Variants in DNAH11 observed in about 807,000 individuals in gnomAD.
DNAH11 encodes dynein axonemal heavy chain 11, also known as axonemal beta dynein heavy chain 11.
A neutral mutation model predicts 526.0 loss-of-function variants in DNAH11; 442 were observed. The observed-to-expected ratio is 0.84, with a 90% CI of 0.78 to 0.91. DNAH11 has a LOEUF of 0.91. DNAH11 is among the 40% of genes least tolerant of loss of function. The pLI is 0.00. For synonymous variants in DNAH11, 2,461 were observed against 1,935.9 expected (o/e 1.27, Z -7.12); for missense variants, 6,989 against 5,448.7 (o/e 1.28, Z -8.90).
intron 28 of DNAH11, among the ~76,000 whole-genome samples, chr7:21,653,602 C>T (rs1781884280): frequency 6.6e-6 from 1 of 152,170 alleles, no homozygotes; most frequent in African/African-American, 2.4e-5. Context: ...TGTGTACTTC[C>T]TGGCCACTTC....
intron 66 of DNAH11, among the ~76,000 whole-genome samples, chr7:21,843,020 G>T (rs1425665639): frequency 6.6e-6 from 1 of 152,176 alleles, no homozygotes; most frequent in Admixed American, 6.5e-5. Flanking sequence ...TAAAATAGAG[G>T]TATGTGCCCA....
chr7:21,667,834 A>G (rs1417901685), intron 30 of DNAH11, among the ~76,000 whole-genome samples: 1 of 152,152 alleles, frequency 6.6e-6, no homozygotes, highest in East Asian at 1.9e-4. Flanking sequence ...ATGTTTCTCT[A>G]TGAATACTTT....
intron 31 of DNAH11, among the ~76,000 whole-genome samples, chr7:21,683,251 T>A (rs1306441203): frequency 1.3e-5 from 2 of 152,194 alleles, no homozygotes; most frequent in African/African-American, 4.8e-5. Context: ...CAGGGATTTT[T>A]AACTGGAAGA....
intron 39 of DNAH11, among the ~76,000 whole-genome samples, chr7:21,705,882 G>T (rs1784243904): frequency 6.6e-6 from 1 of 152,098 alleles, no homozygotes; most frequent in African/African-American, 2.4e-5. Flanking sequence ...TTTATGCTTG[G>T]ATTCTTTTAT....
chr7:21,582,886 C>T (rs547698671), intron 9 of DNAH11, among the ~76,000 whole-genome samples: 7 of 152,200 alleles, frequency 4.6e-5, no homozygotes, highest in Middle Eastern at 6.8e-3. Flanking sequence ...TTTTGACCTT[C>T]GAATGAATTG....
At position 21,818,227 on chromosome 7, in the gene DNAH11, G is replaced by A. The variant is rs750757854; in HGVS notation, c.10579G>A (p.Ala3527Thr). The A allele has an allele frequency of 6.2e-7, 1 of 1,610,236 alleles. No individual in the cohort carries two copies. Among genetic ancestry groups the A allele is most frequent in the South Asian group, 1.1e-5 (1 of 90,014 alleles). Residue 3527 changes from alanine (A) to threonine (T), a missense_variant, in exon 65 of 82, where the codon GCC (alanine) becomes ACC (threonine). Transcript: ENST00000409508. The part of the protein sequence containing the change: ...THLGQKGFLN[A>T]IETALAFGDV... ...CCACTGAATTTTAAGGTTTTTGAAT[G>A]CCATTGAAACTGCTTTGGCCTTTGG...
At chr7:21,862,591 A>G (rs35726906) in intron 69 of DNAH11, among the ~76,000 whole-genome samples, 17,223 of 152,234 alleles carry the variant, frequency 0.11, 1,100 homozygotes, top group East Asian at 0.24. Context: ...CCATTCTACA[A>G]TATAAACATG....
intron 30 of DNAH11, among the ~76,000 whole-genome samples, chr7:21,667,406 G>A (rs779220240): frequency 7.2e-5 from 11 of 152,250 alleles, no homozygotes; most frequent in Non-Finnish European, 1.6e-4. Flanking sequence ...TGTAGTGGTT[G>A]CAAAGAAGCA....
chr7:21,787,314 G>A, intron 59 of DNAH11, 87 bp from the exon 60 acceptor site: 1 of 1,367,986 alleles, frequency 7.3e-7, no homozygotes, highest in Non-Finnish European at 9.9e-7. Flanking sequence ...TGTAATGTGA[G>A]TCCTAAAAGC....
intron 30 of DNAH11, among the ~76,000 whole-genome samples, chr7:21,666,696 A>G (rs1435402743): frequency 6.6e-6 from 1 of 151,884 alleles, no homozygotes; most frequent in Non-Finnish European, 1.5e-5. Context: ...TTTCAGCCCT[A>G]TTACCTGAAT....
intron 6 of DNAH11, among the ~76,000 whole-genome samples, chr7:21,567,459 T>A (rs1783714415): frequency 6.6e-6 from 1 of 152,232 alleles, no homozygotes; most frequent in Non-Finnish European, 1.5e-5. Context: ...TTTTGTATAA[T>A]ATTTTTAACT....
At chr7:21,758,779 A>T (rs950330061) in intron 54 of DNAH11, among the ~76,000 whole-genome samples, 1 of 152,226 alleles carries the variant, frequency 6.6e-6, no homozygotes, top group African/African-American at 2.4e-5. Context: ...TACGTTGAAT[A>T]GCCTTTGCAT....
chr7:21,770,206 G>C (rs1453833423), intron 55 of DNAH11, among the ~76,000 whole-genome samples: 1 of 152,054 alleles, frequency 6.6e-6, no homozygotes, highest in Non-Finnish European at 1.5e-5. Context: ...TTGGGTTTCA[G>C]ATTTTTTTTT....
intron 25 of DNAH11, among the ~76,000 whole-genome samples, chr7:21,630,602 G>A (rs976036073): frequency 1.1e-4 from 17 of 152,324 alleles, no homozygotes; most frequent in Admixed American, 1.0e-3. Context: ...TTCTTGGTTA[G>A]TAGGGGTTTG....
intron 6 of DNAH11, among the ~76,000 whole-genome samples, chr7:21,569,720 C>T (rs1319161615): frequency 1.3e-5 from 2 of 152,120 alleles, no homozygotes; most frequent in Non-Finnish European, 2.9e-5. Flanking sequence ...TTGTCTGCCT[C>T]GTATATTCTT....
At chr7:21,703,923 T>A (rs1399365021) in intron 37 of DNAH11, 1 of 152,238 alleles carries the variant, frequency 6.6e-6, no homozygotes, top group Non-Finnish European at 1.5e-5. Flanking sequence ...TTCTCTTGCT[T>A]TTTAAAATTT....
chr7:21,619,261 T>C, intron 24 of DNAH11, 39 bp downstream of exon 24: 6 of 1,592,160 alleles, frequency 3.8e-6, no homozygotes, highest in Non-Finnish European at 5.1e-6. Context: ...ACTTGGCTAA[T>C]TTTGGGTATT....
intron 34 of DNAH11, 55 bp from the exon 35 acceptor site, chr7:21,690,710 G>A (rs1054795844): frequency 1.3e-5 from 17 of 1,314,282 alleles, no homozygotes; most frequent in Non-Finnish European, 1.7e-5. Context: ...ATTTGTCAAT[G>A]TGCATTCATA....
chr7:21,716,520 G>A (rs1342164826), intron 42 of DNAH11, among the ~76,000 whole-genome samples: 2 of 152,148 alleles, frequency 1.3e-5, no homozygotes, highest in East Asian at 3.8e-4. Context: ...GAACCAAGTA[G>A]CATATCCAGG....
Sources: allele counts gnomAD v4.1 joint callset (sites outside exome capture counted in the v4.1 genomes callset), GRCh38; gene constraint gnomAD v4.1.1; transcripts MANE v1.5; gene names NCBI Gene and HGNC (gene_info 2026-07-23, HGNC 2026-07-21).